Variants in PRKG1 observed in about 807,000 individuals in gnomAD.
PRKG1 encodes the protein cGMP-dependent protein kinase 1.
Under a neutral mutation model 88.1 loss-of-function variants are expected in PRKG1, and 35 were observed. That is an observed-to-expected ratio of 0.40 (90% confidence interval 0.30 to 0.53). The LOEUF (loss-of-function observed/expected upper bound fraction) is 0.53, where lower values mean the gene tolerates loss of function less well. Ranked by LOEUF, PRKG1 falls within the 20% of genes least tolerant of loss-of-function variation. PRKG1 has a pLI of 0.59. For synonymous variants in PRKG1, 303 were observed against 292.5 expected, an observed-to-expected ratio of 1.04 and a Z score of -0.37; for missense variants, 540 against 839.8, an observed-to-expected ratio of 0.64 and a Z score of 4.41.
intron 3 of PRKG1, among the ~76,000 whole-genome samples, chr10:51,475,847 C>G (rs999705570): frequency 1.3e-5 from 2 of 151,920 alleles, no homozygotes; most frequent in Non-Finnish European, 2.9e-5. Context: ...GGTAGAAAAA[C>G]AGAACAAAGA....
chr10:51,586,225 T>C (rs559261655), intron 3 of PRKG1, among the ~76,000 whole-genome samples: 1 of 152,322 alleles, frequency 6.6e-6, no homozygotes, highest in Admixed American at 6.5e-5. Context: ...CATTCATCTT[T>C]AATTTGTTCA....
At chr10:52,292,810 A>C (rs1285951755) in intron 17 of PRKG1, among the ~76,000 whole-genome samples, 1 of 151,768 alleles carries the variant, frequency 6.6e-6, no homozygotes, top group Admixed American at 6.6e-5. Flanking sequence ...TATCATACTG[A>C]ATGGGCAAAA....
chr10:51,465,087 G>T (rs1839863974), intron 2 of PRKG1, among the ~76,000 whole-genome samples: 1 of 152,126 alleles, frequency 6.6e-6, no homozygotes, highest in South Asian at 2.1e-4. Flanking sequence ...GGCTTTTCAG[G>T]AAAGAAGTGG....
chr10:51,147,459 ATTAAG>A (rs1318448776), intron 1 of PRKG1, among the ~76,000 whole-genome samples: 1 of 152,098 alleles, frequency 6.6e-6, no homozygotes, highest in Non-Finnish European at 1.5e-5. Flanking sequence ...ACGAAGGAAA[ATTAAG>A]TTACCATCTG....
intron 1 of PRKG1, among the ~76,000 whole-genome samples, chr10:51,083,046 T>G (rs4935011): frequency 0.48 from 72,490 of 151,682 alleles, 19,290 homozygotes; most frequent in South Asian, 0.66. Flanking sequence ...CTACTTGAAT[T>G]CCTATTCTTT....
chr10:51,745,711 A>G (rs1837558331), intron 3 of PRKG1, among the ~76,000 whole-genome samples: 1 of 152,108 alleles, frequency 6.6e-6, no homozygotes, highest in Non-Finnish European at 1.5e-5. Context: ...ATTTTTTCCT[A>G]GCTAAAAAAA....
chr10:51,794,012 G>T (rs915556148), intron 3 of PRKG1, among the ~76,000 whole-genome samples: 1 of 151,986 alleles, frequency 6.6e-6, no homozygotes, highest in Admixed American at 6.6e-5. Context: ...GATCTGCCCA[G>T]CTCAGTCTCT....
At chr10:51,554,197 T>TGATATGTGTATATATTATATATGC (rs2034140759) in intron 3 of PRKG1, among the ~76,000 whole-genome samples, 4 of 146,708 alleles carry the variant, frequency 2.7e-5, no homozygotes, top group South Asian at 4.3e-4. Context: ...ATTATATATG[T>TGATATGTGTATATATTATATATGC]GCGTATGTGA....
intron 17 of PRKG1, 93 bp from the exon 18 acceptor site, chr10:52,293,709 T>A: frequency 1.0e-6 from 1 of 963,508 alleles, no homozygotes; most frequent in Non-Finnish European, 1.6e-6. Context: ...AAATAGTCAC[T>A]AATAGGGAAT....
chr10:51,289,096 A>T (rs1021192274), intron 2 of PRKG1, among the ~76,000 whole-genome samples: 1 of 152,180 alleles, frequency 6.6e-6, no homozygotes, highest in African/African-American at 2.4e-5. Context: ...TAACTTTAAA[A>T]ACATAATAAA....
In PRKG1 at chr10:52,226,987, A is replaced by C. The variant is rs189576039; in HGVS notation, c.1077-24583A>C. Among the ~76,000 whole-genome samples the C allele has an allele frequency of 4.2e-3, 644 of 152,308 alleles. 4 individuals carry two copies. The highest frequency in any genetic ancestry group is 6.6e-3 in the Non-Finnish European group (446 of 68,016). On this transcript the variant is annotated intron_variant, in intron 9 of 17. Transcript: ENST00000373980. Reference sequence around the variant, plus strand: ...ATTGCAAGAGATCTTATATTCTGTCAATGACACATGTTATCAGTGGAATAA... The same window carrying C: ...ATTGCAAGAGATCTTATATTCTGTCCATGACACATGTTATCAGTGGAATAA...
At chr10:51,094,579 T>C (rs1844484331) in intron 1 of PRKG1, among the ~76,000 whole-genome samples, 2 of 152,056 alleles carry the variant, frequency 1.3e-5, no homozygotes, top group South Asian at 4.1e-4. Context: ...AATGGTATCA[T>C]GAAAGATACA....
chr10:51,937,775 C>T (rs1463997365), intron 5 of PRKG1, among the ~76,000 whole-genome samples: 1 of 151,972 alleles, frequency 6.6e-6, no homozygotes, highest in African/African-American at 2.4e-5. Context: ...AAAATTCATC[C>T]AAATACAGTA....
chr10:52,062,743 C>G (rs911072476), intron 7 of PRKG1, 112 bp downstream of exon 7: 1 of 768,362 alleles, frequency 1.3e-6, no homozygotes, highest in Non-Finnish European at 2.3e-6. Context: ...ATCTCAATAT[C>G]AAATATGGAC....
At chr10:51,989,885 C>T (rs1223646152) in intron 5 of PRKG1, among the ~76,000 whole-genome samples, 1 of 152,050 alleles carries the variant, frequency 6.6e-6, no homozygotes, top group Non-Finnish European at 1.5e-5. Context: ...ATTGCCCAGA[C>T]CAATATCATG....
intron 8 of PRKG1, among the ~76,000 whole-genome samples, chr10:52,157,558 G>C (rs1017378669): frequency 6.6e-6 from 1 of 150,908 alleles, no homozygotes; most frequent in African/African-American, 2.4e-5. Context: ...AGAATGTTTT[G>C]CCTTAATAAT....
intron 5 of PRKG1, among the ~76,000 whole-genome samples, chr10:51,981,694 T>C (rs1265749428): frequency 6.6e-6 from 1 of 152,212 alleles, no homozygotes; most frequent in Admixed American, 6.5e-5. Context: ...GTTAGTCTTA[T>C]GGGCTTCCTT....
chr10:51,577,523 T>C (rs1252850606), intron 3 of PRKG1, among the ~76,000 whole-genome samples: 2 of 152,034 alleles, frequency 1.3e-5, no homozygotes, highest in Non-Finnish European at 2.9e-5. Flanking sequence ...TGAAAAGAAA[T>C]AGGCACAGTA....
intron 2 of PRKG1, among the ~76,000 whole-genome samples, chr10:51,359,896 A>G (rs924945299): frequency 1.3e-5 from 2 of 151,942 alleles, no homozygotes; most frequent in Admixed American, 6.6e-5. Context: ...TCTGGGCCAG[A>G]GAGCTAGCCT....
Sources: allele counts gnomAD v4.1 joint callset (sites outside exome capture counted in the v4.1 genomes callset), GRCh38; gene constraint gnomAD v4.1.1; transcripts MANE v1.5; gene names NCBI Gene and HGNC (gene_info 2026-07-23, HGNC 2026-07-21).